Variants in UBXN1 observed in about 807,000 individuals in gnomAD.
UBXN1 encodes the protein UBX domain-containing protein 1.
A neutral mutation model predicts 42.0 loss-of-function variants in UBXN1; 21 were observed. That is an observed-to-expected ratio of 0.50 (90% CI 0.35 to 0.72). The LOEUF (loss-of-function observed/expected upper bound fraction) is 0.72. UBXN1 is among the 30% of genes least tolerant of loss of function. The pLI is 0.00. For missense variants in UBXN1, 374 were observed against 382.2 expected (o/e 0.98, Z 0.18); for synonymous variants, 172 against 142.6 (o/e 1.21, Z -1.47).
At chr11:62,678,158 G>C (rs537155186) in intron 4 of UBXN1, 40 bp from the exon 5 acceptor site, 41 of 1,609,330 alleles carry the variant, frequency 2.5e-5, no homozygotes, top group Non-Finnish European at 3.4e-5. Context: ...GAAATGGACA[G>C]AGTGGGAAGG....
At position 62,678,702 on chromosome 11, in the gene UBXN1, G is replaced by A. The variant is rs1945086576; in HGVS notation, c.101C>T (p.Ala34Val). Residue 34 changes from alanine (A) to valine (V), a missense_variant, in exon 2 of 9, where the codon GCT becomes GTT. By Grantham distance (64) the Ala-to-Val change is moderately conservative. Transcript: ENST00000301935. ...GACGAGCGCTTACCAGTCCATCGCA[G>A]CCTCGATGCCCTGGTTCCCTGTGAG... ...LALTGNQGIE[A>V]AMDWLMEHED... 1 of 1,535,500 alleles carries A rather than the reference G, an allele frequency of 6.5e-7. No individual in the cohort carries two copies. The highest frequency in any genetic ancestry group is 1.4e-5 in the African/African-American group (1 of 71,740).
chr11:62,677,949 T>C lies in UBXN1; in HGVS notation c.460A>G (p.Lys154Glu), dbSNP rs1413412397. 1 of 1,614,020 alleles carries C rather than the reference T, an allele frequency of 6.2e-7. No individual in the cohort carries two copies. The highest frequency in any genetic ancestry group is 2.2e-5 in the East Asian group (1 of 44,884). ...GACCTGGCTGCTAACTCCTCGGCCT[T>C]TTCCCTCCGCCTCTCCTCAGCAGCC... ...RRAAEERRRE[K>E]AEELAARQRV... The change falls in exon 5 of 9, where the codon AAG becomes GAG. Residue 154 changes from lysine to glutamate, a missense_variant. Transcript: ENST00000301935.
chr11:62,677,889 C>A, intron 5 of UBXN1, 38 bp downstream of exon 5: 11 of 1,614,174 alleles, frequency 6.8e-6, no homozygotes, highest in Non-Finnish European at 8.5e-6. Context: ...ATCTTGATTT[C>A]TTTCTCATCT....
At chr11:62,678,170 G>T (rs775801308) in intron 4 of UBXN1, 52 bp from the exon 5 acceptor site, 75 of 1,606,788 alleles carry the variant, frequency 4.7e-5, no homozygotes, top group Middle Eastern at 3.3e-4. Flanking sequence ...GTGGGAAGGT[G>T]TAAAGTTTAC....
In UBXN1 at chr11:62,678,541, A is replaced by G. The variant is rs1418079618; in HGVS notation, c.174T>C (p.His58=). 1 of 1,611,676 alleles carries G rather than the reference A, an allele frequency of 6.2e-7. No homozygotes were observed. Among genetic ancestry groups the G allele is most frequent in the Admixed American group, 1.7e-5 (1 of 59,550 alleles). ...AGGAAGTGGGCTCCCGTCCCAGGATATGTCCAAGGGGAGTCTCTAAAGGCT... is the reference window on the plus strand; with the variant it reads ...AGGAAGTGGGCTCCCGTCCCAGGATGTGTCCAAGGGGAGTCTCTAAAGGCT... ...VDEPLETPLG[H]ILGREPTSSE... Residue 58 remains histidine, a synonymous_variant, in exon 3 of 9, where the codon CAT becomes CAC. Transcript: ENST00000301935.
At position 62,678,329 on chromosome 11, in the gene UBXN1, G is replaced by A; in HGVS notation, c.290+10C>T. 1 of 1,614,160 alleles carries A rather than the reference G, an allele frequency of 6.2e-7. No individual in the cohort carries two copies. On this transcript the variant is annotated intron_variant, in intron 4 of 8. Coordinates refer to ENST00000301935, the MANE Select transcript of UBXN1 (RefSeq NM_001286077.2). Reference sequence around the variant, plus strand: ...CGACCCTCAGACACGTGAGATTGTTGTTACTGTACCTCTTAGTTTGTTCCT... The same window carrying A: ...CGACCCTCAGACACGTGAGATTGTTATTACTGTACCTCTTAGTTTGTTCCT...
chr11:62,678,780 C>T lies in UBXN1; in HGVS notation c.60-37G>A, dbSNP rs759963309. On this transcript the variant is annotated intron_variant, in intron 1 of 8. Coordinates refer to ENST00000301935, the MANE Select transcript of UBXN1 (RefSeq NM_001286077.2). ...AACACCATGAATAGCGCCCACGAGC[C>T]ATGGTGACGGTCAGGCTGGGGCAAA... 9.3e-6 allele frequency: 15 copies of T among 1,612,928 alleles called. No homozygotes were observed. The East Asian group carries it at 2.2e-4, about 24-fold the overall frequency.
At chr11:62,678,289 G>A (rs757139007) in intron 4 of UBXN1, 50 bp downstream of exon 4, 3 of 1,612,114 alleles carry the variant, frequency 1.9e-6, no homozygotes, top group Non-Finnish European at 2.5e-6. Context: ...ACGTGTACTG[G>A]GGAGAGATGG....
chr11:62,678,058 T>G lies in UBXN1; in HGVS notation c.351A>C (p.Ala117=). The part of the protein sequence containing the change: ...REREEREERE[A]LERERQRRRQ... ...TCCTGCGCTGCCGTTCCCGTTCCAA[T>G]GCCTCCCGTTCCTCTCTTTCTTCAC... The change falls in exon 5 of 9, where the codon GCA becomes GCC. Residue 117 remains alanine, a synonymous_variant. Transcript: ENST00000301935. The G allele has an allele frequency of 6.2e-7, 1 of 1,614,180 alleles. No homozygotes were observed. Among genetic ancestry groups the G allele is most frequent in the Non-Finnish European group, 8.5e-7 (1 of 1,180,046 alleles).
chr11:62,679,057 G>C lies in UBXN1; in HGVS notation c.-134C>G. ...CTCTCACCCGGCTCTATAGCAGCCG[G>C]GAACACCGACGAGAAGAAAGCCGAG... is the stretch of plus-strand genomic sequence containing the variant. On this transcript the variant is annotated 5_prime_UTR_variant, in exon 1 of 9. Coordinates refer to ENST00000301935, the MANE Select transcript of UBXN1 (RefSeq NM_001286077.2). 1.0e-6 allele frequency: 1 copy of C among 968,690 alleles called. No individual in the cohort carries two copies. Among genetic ancestry groups the C allele is most frequent in the Non-Finnish European group, 1.5e-6 (1 of 667,598 alleles). The allele number at this position is 968,690 out of a possible 1,614,324, so 60.0% of individuals were successfully genotyped here.
In UBXN1 at chr11:62,677,938, C is replaced by T. The variant is rs1945055085; in HGVS notation, c.471G>A (p.Glu157=). The part of the protein sequence containing the change: ...AEERRREKAE[E]LAARQRVREK... The stretch of plus-strand genomic sequence containing the variant: ...TCCCCTGCCCAGACCTGGCTGCTAA[C>T]TCCTCGGCCTTTTCCCTCCGCCTCT... Residue 157 remains glutamate (E), a synonymous_variant, in exon 5 of 9, where the codon GAG becomes GAA. Coordinates refer to ENST00000301935, the MANE Select transcript of UBXN1 (RefSeq NM_001286077.2). 6.2e-7 allele frequency: 1 copy of T among 1,613,860 alleles called. No individual in the cohort carries two copies. The highest frequency in any genetic ancestry group is 1.7e-5 in the Admixed American group (1 of 59,982).
intron 4 of UBXN1, 32 bp downstream of exon 4, chr11:62,678,307 C>T: frequency 6.2e-7 from 1 of 1,614,026 alleles, no homozygotes; most frequent in African/African-American, 1.3e-5. Context: ...TGGAAGACGA[C>T]CCTCAGACAC....
At chr11:62,678,215 A>C in intron 4 of UBXN1, 97 bp from the exon 5 acceptor site, 1 of 1,604,104 alleles carries the variant, frequency 6.2e-7, no homozygotes, top group Non-Finnish European at 8.5e-7. Flanking sequence ...ATCCCAAAGT[A>C]GATTAAAGGA....
rs1468030372 is a variant in UBXN1, at chr11:62,678,877, G to A, written c.47C>T (p.Pro16Leu). Residue 16 changes from proline (P) to leucine (L), a missense_variant, in exon 1 of 9, where the codon CCC becomes CTC. Physicochemically the swap from Pro to Leu is moderately conservative, Grantham distance 98 (BLOSUM62 -3). Coordinates refer to ENST00000301935, the MANE Select transcript of UBXN1 (RefSeq NM_001286077.2). The part of the protein sequence containing the change: ...ALESLIEMGF[P>L]RGRAEKALAL... The stretch of plus-strand genomic sequence containing the variant: ...GGAACTCCCTTACGCGCGTCCCCTG[G>A]GGAAGCCCATCTCGATGAGACTCTC... 4 of 1,604,400 alleles carry A rather than the reference G, an allele frequency of 2.5e-6. No individual in the cohort carries two copies. Among genetic ancestry groups the A allele is most frequent in the Non-Finnish European group, 3.4e-6 (4 of 1,177,418 alleles).
At chr11:62,677,256 C>A in intron 7 of UBXN1, 1 of 610,814 alleles carries the variant, frequency 1.6e-6, no homozygotes, top group Non-Finnish European at 2.9e-6. Context: ...ACCACATCAC[C>A]AGATAGCTAC....
chr11:62,677,825 C>T lies in UBXN1; in HGVS notation c.490G>A (p.Val164Ile), dbSNP rs769490435. The stretch of plus-strand genomic sequence containing the variant: ...TTGTCCCTCTCGATCTTTTCTCTAA[C>T]TCTTTGTCTGAAATGTAGACAAGAA... ...KAEELAARQRVREKIERDKAE... is the reference protein window; with the variant it reads ...KAEELAARQRIREKIERDKAE... Residue 164 changes from valine (V) to isoleucine (I), a missense_variant, in exon 6 of 9, where the codon GTT (valine) becomes ATT (isoleucine). By Grantham distance (29) the Val-to-Ile change is conservative (BLOSUM62 3). Transcript: ENST00000301935. 1 of 1,614,240 alleles carries T rather than the reference C, an allele frequency of 6.2e-7. No individual in the cohort carries two copies. Among genetic ancestry groups the T allele is most frequent in the Non-Finnish European group, 8.5e-7 (1 of 1,180,050 alleles).
At chr11:62,677,320 G>A (rs1945035572) in intron 7 of UBXN1, 198 bp downstream of exon 7, 2 of 653,314 alleles carry the variant, frequency 3.1e-6, no homozygotes, top group South Asian at 1.9e-5. Flanking sequence ...CTGAGTAAGA[G>A]AGAGGTATGG....
chr11:62,677,861 C>T (rs767330375), intron 5 of UBXN1, 29 bp from the exon 6 acceptor site: 1 of 1,614,180 alleles, frequency 6.2e-7, no homozygotes, highest in Admixed American at 1.7e-5. Flanking sequence ...GAAATTAGGT[C>T]AGACATCAAC....
chr11:62,676,748 T>G (rs769839592), intron 8 of UBXN1, 65 bp downstream of exon 8: 1 of 1,614,146 alleles, frequency 6.2e-7, no homozygotes, highest in Non-Finnish European at 8.5e-7. Context: ...GCATCCCTCC[T>G]TTTCCTAGGC....
Sources: gnomAD v4.1 joint callset for allele counts on GRCh38, gnomAD v4.1.1 for gene constraint, MANE v1.5 for transcripts, NCBI Gene and HGNC (gene_info 2026-07-23, HGNC 2026-07-21) for gene names.